SLC7A9: variants seen among roughly 807,000 people sequenced by gnomAD.
SLC7A9 encodes B(0,+)-type amino acid transporter 1.
In SLC7A9, 38 loss-of-function variants were observed where a neutral mutation model predicts 54.1. The ratio of observed to expected loss-of-function variants is 0.70; its 90% confidence interval spans 0.54 to 0.92. The LOEUF is 0.92. Among genes scored for constraint, SLC7A9 ranks in the 40% least tolerant of loss-of-function variants. The probability of loss-of-function intolerance (pLI) is 0.00; values close to 1 mark genes in which losing one functional copy is unlikely to be tolerated. For missense variants in SLC7A9, 537 were observed against 636.1 expected, an observed-to-expected ratio of 0.84 and a Z score of 1.68; for synonymous variants, 264 against 258.9, an observed-to-expected ratio of 1.02 and a Z score of -0.19.
chr19:32,854,512 GAT>G (rs1968561438), intron 9 of SLC7A9, among the ~76,000 whole-genome samples: 1 of 152,152 alleles, frequency 6.6e-6, no homozygotes, highest in Non-Finnish European at 1.5e-5. Context: ...ACTCAAAATG[GAT>G]ATAAGACTTG....
chr19:32,847,442 G>C (rs1443462142), intron 9 of SLC7A9, among the ~76,000 whole-genome samples: 1 of 143,512 alleles, frequency 7.0e-6, no homozygotes, highest in African/African-American at 2.4e-5. Context: ...ATCAGTAATG[G>C]AAGATGAAAT....
chr19:32,869,146 C>T (rs1352071339), intron 1 of SLC7A9, among the ~76,000 whole-genome samples: 1 of 151,952 alleles, frequency 6.6e-6, no homozygotes, highest in African/African-American at 2.4e-5. Context: ...GCACTTGAAC[C>T]CTGGAGGCAG....
At chr19:32,831,743 C>A (rs1042738624) in intron 12 of SLC7A9, among the ~76,000 whole-genome samples, 1 of 152,186 alleles carries the variant, frequency 6.6e-6, no homozygotes, top group Non-Finnish European at 1.5e-5. Context: ...AAGAGTGAGC[C>A]CTGTGCCCTT....
rs149989623 is a variant in SLC7A9, at chr19:32,866,151, C to T, written c.88-1375G>A. Among the ~76,000 whole-genome samples, 9 of 152,226 alleles carry T rather than the reference C, an allele frequency of 5.9e-5. No individual in the cohort carries two copies. In the East Asian group the frequency reaches 7.7e-4, roughly 13 times the overall value. ...GAAGAAGCTGGGCTTGGAGTCAGAT[C>T]GCAGGGGATGAGGGGCTCCCAGCTG... On this transcript the variant is annotated intron_variant, in intron 2 of 12. Coordinates refer to ENST00000023064, the MANE Select transcript of SLC7A9 (RefSeq NM_014270.5).
intron 9 of SLC7A9, among the ~76,000 whole-genome samples, chr19:32,853,330 T>C (rs1163240545): frequency 6.6e-6 from 1 of 152,192 alleles, no homozygotes; most frequent in Non-Finnish European, 1.5e-5. Flanking sequence ...GGAAACTTTT[T>C]GGGGTGATGG....
chr19:32,844,686 C>T (rs1387602415), intron 9 of SLC7A9, among the ~76,000 whole-genome samples: 1 of 151,276 alleles, frequency 6.6e-6, no homozygotes, highest in Non-Finnish European at 1.5e-5. Context: ...GAAAAATTAG[C>T]TGGGCATGGT....
At chr19:32,831,762 A>C (rs904079648) in intron 12 of SLC7A9, among the ~76,000 whole-genome samples, 1 of 152,124 alleles carries the variant, frequency 6.6e-6, no homozygotes, top group Non-Finnish European at 1.5e-5. Context: ...TTGGCATTAA[A>C]AGGCTTGGGC....
At chr19:32,864,879 A>G in intron 2 of SLC7A9, 103 bp from the exon 3 acceptor site, 1 of 1,497,486 alleles carries the variant, frequency 6.7e-7, no homozygotes, top group Non-Finnish European at 9.3e-7. Flanking sequence ...CCCCAGCCAA[A>G]GCCCATGTCC....
intron 11 of SLC7A9, 35 bp downstream of exon 11, chr19:32,842,133 C>T (rs1044447673): frequency 1.9e-6 from 3 of 1,612,226 alleles, no homozygotes; most frequent in African/African-American, 1.3e-5. Flanking sequence ...TTAAAAAATC[C>T]AAAGCCACTC....
intron 11 of SLC7A9, among the ~76,000 whole-genome samples, chr19:32,838,468 T>C (rs1252818252): frequency 6.7e-6 from 1 of 148,550 alleles, no homozygotes; most frequent in Non-Finnish European, 1.5e-5. Flanking sequence ...AAGAATATAT[T>C]ATATCTAATA....
At chr19:32,860,542 C>T in intron 7 of SLC7A9, 64 bp downstream of exon 7, 1 of 1,613,742 alleles carries the variant, frequency 6.2e-7, no homozygotes. Flanking sequence ...TAGCTCCAGC[C>T]TTCACCAGGA....
intron 9 of SLC7A9, among the ~76,000 whole-genome samples, chr19:32,846,306 G>T (rs571445213): frequency 6.6e-6 from 1 of 152,130 alleles, no homozygotes; most frequent in Non-Finnish European, 1.5e-5. Context: ...GGAAAATTGG[G>T]TCACTCCCAC....
At chr19:32,868,925 C>T (rs927139954) in intron 1 of SLC7A9, among the ~76,000 whole-genome samples, 1 of 151,828 alleles carries the variant, frequency 6.6e-6, no homozygotes, top group Non-Finnish European at 1.5e-5. Flanking sequence ...AACAACATCC[C>T]GGGCTGGGCA....
intron 9 of SLC7A9, among the ~76,000 whole-genome samples, chr19:32,857,129 G>A (rs894455314): frequency 5.3e-5 from 8 of 152,126 alleles, no homozygotes; most frequent in African/African-American, 1.9e-4. Context: ...CAGCCTGGGT[G>A]ACAGAGCAAG....
intron 7 of SLC7A9, 116 bp downstream of exon 7, chr19:32,860,490 T>G (rs1048721423): frequency 2.1e-5 from 30 of 1,456,688 alleles, no homozygotes; most frequent in African/African-American, 7.5e-5. Context: ...AAAAAAGAAA[T>G]AATTCACTGT....
intron 2 of SLC7A9, among the ~76,000 whole-genome samples, chr19:32,864,986 G>T (rs56364109): frequency 4.6e-5 from 7 of 152,162 alleles, no homozygotes; most frequent in Non-Finnish European, 8.8e-5. Flanking sequence ...TGACAGCCCC[G>T]CGAGCTGGCC....
intron 9 of SLC7A9, among the ~76,000 whole-genome samples, chr19:32,852,084 A>G (rs1031949329): frequency 5.3e-5 from 8 of 152,076 alleles, no homozygotes; most frequent in African/African-American, 1.9e-4. Context: ...ATGACGAGTT[A>G]ATGGGTGCAG....
intron 11 of SLC7A9, among the ~76,000 whole-genome samples, chr19:32,838,864 A>G (rs11668337): frequency 0.1 from 15,578 of 150,126 alleles, 1,018 homozygotes; most frequent in Middle Eastern, 0.16. Context: ...TAGTACACAT[A>G]TATGTATATA....
chr19:32,842,509 GAC>G (rs1968156287), intron 10 of SLC7A9, among the ~76,000 whole-genome samples, 192 bp from the exon 11 acceptor site: 1 of 152,158 alleles, frequency 6.6e-6, no homozygotes, highest in Non-Finnish European at 1.5e-5. Context: ...TTGCAGAAAA[GAC>G]CTGGGAAATT....
Sources: allele counts gnomAD v4.1 joint callset (sites outside exome capture counted in the v4.1 genomes callset), GRCh38; gene constraint gnomAD v4.1.1; transcripts MANE v1.5; gene names NCBI Gene and HGNC (gene_info 2026-07-23, HGNC 2026-07-21).